Variants in COBL observed in about 807,000 individuals in gnomAD.
COBL encodes the protein protein cordon-bleu.
Under a neutral mutation model 98.8 loss-of-function variants are expected in COBL, and 51 were observed. That is an observed-to-expected ratio of 0.52 (90% CI 0.41 to 0.65). COBL has a LOEUF of 0.65. Among genes scored for constraint, COBL ranks in the 30% least tolerant of loss-of-function variants. COBL has a pLI of 0.00. For missense variants in COBL, 1,617 were observed against 1,617.5 expected (o/e 1.00, Z 0.01); for synonymous variants, 634 against 651.7 (o/e 0.97, Z 0.41).
intron 1 of COBL, among the ~76,000 whole-genome samples, chr7:51,308,308 C>A (rs921982648): frequency 6.6e-6 from 1 of 152,158 alleles, no homozygotes; most frequent in Non-Finnish European, 1.5e-5. Context: ...AATACAACTC[C>A]CAAGCCATTA....
intron 8 of COBL, among the ~76,000 whole-genome samples, chr7:51,038,518 G>A (rs1448608547): frequency 6.6e-6 from 1 of 152,228 alleles, no homozygotes; most frequent in African/African-American, 2.4e-5. Context: ...TAGGGTGCAG[G>A]GAAAGGAGAA....
intron 7 of COBL, among the ~76,000 whole-genome samples, chr7:51,075,997 C>T (rs1255143912): frequency 1.3e-5 from 2 of 152,182 alleles, no homozygotes; most frequent in East Asian, 1.9e-4. Context: ...CATTTGCTCA[C>T]GACCCACTTC....
intron 1 of COBL, among the ~76,000 whole-genome samples, chr7:51,298,195 CA>C (rs1368786859): frequency 6.6e-6 from 1 of 152,198 alleles, no homozygotes; most frequent in Non-Finnish European, 1.5e-5. Context: ...GGCATCCTGA[CA>C]AAAGTTGGCA....
intron 7 of COBL, chr7:51,082,919 C>T: frequency 1.3e-6 from 1 of 773,668 alleles, no homozygotes; most frequent in Admixed American, 2.1e-5. Context: ...CTGCATTCAG[C>T]ATTGGGAAAC....
intron 1 of COBL, among the ~76,000 whole-genome samples, chr7:51,221,614 A>G (rs1175704391): frequency 6.6e-6 from 1 of 152,238 alleles, no homozygotes; most frequent in Non-Finnish European, 1.5e-5. Context: ...CTATTTTTAA[A>G]GAGAGGTCTA....
At chr7:51,051,539 C>T (rs1449658041) in intron 7 of COBL, among the ~76,000 whole-genome samples, 1 of 152,110 alleles carries the variant, frequency 6.6e-6, no homozygotes, top group African/African-American at 2.4e-5. Flanking sequence ...TTTCTCTGAC[C>T]ACTTTGTTGT....
At position 51,125,749 on chromosome 7, in the gene COBL, A is replaced by G. The variant is rs1044764773; in HGVS notation, c.957+10409T>C. Among the ~76,000 whole-genome samples, 4 of 152,156 alleles carry G rather than the reference A, an allele frequency of 2.6e-5. No individual in the cohort carries two copies. The East Asian group carries it at 5.8e-4, about 22-fold the overall frequency. ...ACATATTCATAGCTCTCTTGCCCCA[A>G]TATGGCCTGAGAGAAATTTTTTTTC... On this transcript the variant is annotated intron_variant, in intron 6 of 12. Coordinates refer to ENST00000265136, the MANE Select transcript of COBL (RefSeq NM_015198.5).
chr7:51,310,515 G>C (rs1374068723), intron 1 of COBL, among the ~76,000 whole-genome samples: 1 of 152,178 alleles, frequency 6.6e-6, no homozygotes, highest in Non-Finnish European at 1.5e-5. Context: ...GAGAGAGGTG[G>C]GAGCATCTCT....
intron 1 of COBL, among the ~76,000 whole-genome samples, chr7:51,268,420 T>C (rs1429139216): frequency 6.6e-6 from 1 of 152,100 alleles, no homozygotes; most frequent in Non-Finnish European, 1.5e-5. Context: ...CACTAGACAC[T>C]TCCACCCACT....
intron 7 of COBL, among the ~76,000 whole-genome samples, chr7:51,061,211 C>T (rs1791318680): frequency 6.6e-6 from 1 of 152,052 alleles, no homozygotes; most frequent in Non-Finnish European, 1.5e-5. Context: ...ATTTCCTTCT[C>T]ATTTTGTTAA....
At chr7:51,218,473 A>G (rs1793306708) in intron 2 of COBL, among the ~76,000 whole-genome samples, 1 of 152,202 alleles carries the variant, frequency 6.6e-6, no homozygotes, top group East Asian at 1.9e-4. Context: ...AAAACATTTT[A>G]TATCATTTCT....
intron 1 of COBL, among the ~76,000 whole-genome samples, chr7:51,282,421 T>C (rs897498430): frequency 6.6e-5 from 10 of 152,036 alleles, no homozygotes; most frequent in African/African-American, 2.4e-4. Flanking sequence ...GCTGGGATGG[T>C]TATATTAATA....
rs371718364 is a variant in COBL at position 51,245,693 on chromosome 7, G to C, written c.42-25749C>G. On this transcript the variant is annotated intron_variant, in intron 1 of 12. Transcript: ENST00000265136. ...TCTATAACATAAATGATAGTACAGT[G>C]TATGGTCTCAGATCTCAGAAAGGTT... is the stretch of plus-strand genomic sequence containing the variant. Among the ~76,000 whole-genome samples, 74 of 152,346 alleles carry C rather than the reference G, an allele frequency of 4.9e-4. No individual in the cohort carries two copies. The South Asian group carries it at 0.015, about 30-fold the overall frequency.
chr7:51,299,005 C>T (rs911328109), intron 1 of COBL, among the ~76,000 whole-genome samples: 1 of 152,232 alleles, frequency 6.6e-6, no homozygotes, highest in Non-Finnish European at 1.5e-5. Context: ...AGGGAGGCAA[C>T]ATCTGAACAG....
At chr7:51,253,917 T>C (rs1796967706) in intron 1 of COBL, among the ~76,000 whole-genome samples, 1 of 152,224 alleles carries the variant, frequency 6.6e-6, no homozygotes, top group South Asian at 2.1e-4. Flanking sequence ...AATTTCCTTT[T>C]TCAATTTTGA....
chr7:51,306,178 G>A (rs1326637421), intron 1 of COBL, among the ~76,000 whole-genome samples: 2 of 152,098 alleles, frequency 1.3e-5, no homozygotes, highest in East Asian at 1.9e-4. Flanking sequence ...ACCTAGAGGC[G>A]GCTTGGAAGT....
At chr7:51,275,408 C>G (rs182619808) in intron 1 of COBL, among the ~76,000 whole-genome samples, 1 of 152,186 alleles carries the variant, frequency 6.6e-6, no homozygotes, top group Admixed American at 6.5e-5. Context: ...CTTTTTACAA[C>G]GAGGATTTGT....
rs949378335 is a variant in COBL, at chr7:51,303,278, G to A, written c.41+13315C>T. ...CCCATCATCCAAAATCAACAATCCC[G>A]GGCCGGGCGTGGTGGCTCACACCTG... On this transcript the variant is annotated intron_variant, in intron 1 of 12. Transcript: ENST00000265136. Among the ~76,000 whole-genome samples the A allele has an allele frequency of 1.1e-4, 16 of 152,094 alleles. No individual in the cohort carries two copies. The South Asian group carries it at 2.3e-3, about 22-fold the overall frequency.
At chr7:51,230,866 C>T (rs1201458154) in intron 1 of COBL, among the ~76,000 whole-genome samples, 2 of 152,206 alleles carry the variant, frequency 1.3e-5, no homozygotes, top group Non-Finnish European at 2.9e-5. Context: ...TCCATCAACC[C>T]TCACCAGCCT....
Sources: allele counts gnomAD v4.1 joint callset (sites outside exome capture counted in the v4.1 genomes callset), GRCh38; gene constraint gnomAD v4.1.1; transcripts MANE v1.5; gene names NCBI Gene and HGNC (gene_info 2026-07-23, HGNC 2026-07-21).